FFAR4: variants seen among roughly 807,000 people sequenced by gnomAD.
FFAR4 encodes G-protein coupled receptor 120.
A neutral mutation model predicts 27.0 loss-of-function variants in FFAR4; 19 were observed. That is an observed-to-expected ratio of 0.70 (90% confidence interval 0.49 to 1.03). The LOEUF is 1.03. Among genes scored for constraint, FFAR4 ranks in the 50% least tolerant of loss-of-function variants. The pLI is 0.00. For synonymous variants in FFAR4, 254 were observed against 215.6 expected (o/e 1.18, Z -1.56); for missense variants, 476 against 479.0 (o/e 0.99, Z 0.06).
intron 2 of FFAR4, among the ~76,000 whole-genome samples, chr10:93,578,682 A>G (rs2058180205): frequency 6.6e-6 from 1 of 152,196 alleles, no homozygotes; most frequent in Admixed American, 6.5e-5. Flanking sequence ...GCCTGCCTGT[A>G]GCAGGTGATG....
In FFAR4 at chr10:93,579,725, A is replaced by G. The variant is rs1031334715; in HGVS notation, c.696+3506A>G. Among the ~76,000 whole-genome samples the G allele has an allele frequency of 1.2e-4, 19 of 152,212 alleles. 1 individual carries two copies. Among genetic ancestry groups the G allele is most frequent in the Non-Finnish European group, 8.8e-5 (6 of 68,048 alleles). ...TAAATATTTGTTGAATGAATGAGGC[A>G]TGAGCCTTGGATCACATTGAAAGGG... is the stretch of plus-strand genomic sequence containing the variant. On this transcript the variant is annotated intron_variant, in intron 2 of 2. Coordinates refer to ENST00000371481, the MANE Select transcript of FFAR4 (RefSeq NM_001195755.2).
At chr10:93,576,357 A>C (rs2058164068) in intron 2 of FFAR4, 138 bp downstream of exon 2, 3 of 804,484 alleles carry the variant, frequency 3.7e-6, no homozygotes, top group Non-Finnish European at 5.9e-6. Flanking sequence ...GGTCTACAAC[A>C]CTGAGGAAGG....
intron 2 of FFAR4, among the ~76,000 whole-genome samples, chr10:93,586,737 G>A (rs2058229541): frequency 1.3e-5 from 2 of 152,158 alleles, no homozygotes; most frequent in Admixed American, 6.5e-5. Context: ...GCAATCCCAC[G>A]CCAGGAATAT....
chr10:93,573,611 C>A (rs2058144946), intron 1 of FFAR4, among the ~76,000 whole-genome samples: 1 of 152,174 alleles, frequency 6.6e-6, no homozygotes. Flanking sequence ...GTCAACAATA[C>A]CATACAAAAC....
chr10:93,587,069 C>T, intron 2 of FFAR4, 151 bp from the exon 3 acceptor site: 1 of 646,098 alleles, frequency 1.5e-6, no homozygotes, highest in East Asian at 2.7e-5. Context: ...CCCATTTCTC[C>T]AGCACATCCT....
At chr10:93,571,704 A>C (rs2058132486) in intron 1 of FFAR4, among the ~76,000 whole-genome samples, 1 of 152,244 alleles carries the variant, frequency 6.6e-6, no homozygotes, top group Non-Finnish European at 1.5e-5. Context: ...CTTTTGAAAT[A>C]TAAGAAAGGA....
Position 93,576,239 on chromosome 10 carries a change from T to C in FFAR4, c.696+20T>C, listed in dbSNP as rs201470530. On this transcript the variant is annotated intron_variant, in intron 2 of 2. Transcript: ENST00000371481. Reference sequence around the variant, plus strand: ...TTACAGGTATGTTTTCTGCAAGTGCTGCCACTGAACTTCACCCAGGCTTGG... The same window carrying C: ...TTACAGGTATGTTTTCTGCAAGTGCCGCCACTGAACTTCACCCAGGCTTGG... The C allele has an allele frequency of 1.9e-4, 301 of 1,613,480 alleles. 1 individual carries two copies. The highest frequency in any genetic ancestry group is 2.0e-4 in the Non-Finnish European group (231 of 1,179,548).
In FFAR4 at chr10:93,587,283, C is replaced by T. The variant is rs775130919; in HGVS notation, c.760C>T (p.Arg254Cys). The T allele has an allele frequency of 1.9e-5, 31 of 1,614,004 alleles. No homozygotes were observed. Among genetic ancestry groups the T allele is most frequent in the East Asian group, 8.9e-5 (4 of 44,884 alleles). ...GGCCTACTCGGAGAGCCACCAGATCCGCGTGTCCCAGCAGGACTTCCGGCT... is the reference window on the plus strand; with the variant it reads ...GGCCTACTCGGAGAGCCACCAGATCTGCGTGTCCCAGCAGGACTTCCGGCT... ...SLAYSESHQI[R>C]VSQQDFRLFR... is the part of the protein sequence containing the mutation. The change falls in exon 3 of 3, where the codon CGC becomes TGC. Residue 254 changes from arginine to cysteine, a missense_variant. Physicochemically the swap from Arg to Cys is radical, Grantham distance 180. Coordinates refer to ENST00000371481, the MANE Select transcript of FFAR4 (RefSeq NM_001195755.2).
chr10:93,583,893 T>C (rs2058213215), intron 2 of FFAR4, among the ~76,000 whole-genome samples: 1 of 152,232 alleles, frequency 6.6e-6, no homozygotes, highest in Non-Finnish European at 1.5e-5. Flanking sequence ...AAAAAGTATT[T>C]TTGCGACACT....
At chr10:93,574,732 C>CAA (rs570636133) in intron 1 of FFAR4, among the ~76,000 whole-genome samples, 7 of 143,390 alleles carry the variant, frequency 4.9e-5, no homozygotes, top group East Asian at 4.0e-4. Flanking sequence ...ACTAAAAATA[C>CAA]AAAAAAAAAA....
Position 93,567,055 on chromosome 10 carries a change from A to G in FFAR4, c.335A>G (p.His112Arg). Residue 112 changes from histidine to arginine, a missense_variant, in exon 1 of 3, where the codon CAC (histidine) becomes CGC (arginine). By Grantham distance (29) the His-to-Arg change is conservative. Transcript: ENST00000371481. ...EAWLLGPVAC[H>R]LLFYVMTLSG... is the part of the protein sequence containing the mutation. ...TGGCTGCTGGGCCCCGTTGCCTGCC[A>G]CCTGCTCTTCTACGTGATGACCCTG... 6.2e-7 allele frequency: 1 copy of G among 1,611,388 alleles called. No homozygotes were observed. Among genetic ancestry groups the G allele is most frequent in the South Asian group, 1.1e-5 (1 of 91,050 alleles).
At chr10:93,581,673 A>G (rs1448438938) in intron 2 of FFAR4, among the ~76,000 whole-genome samples, 1 of 152,174 alleles carries the variant, frequency 6.6e-6, no homozygotes, top group African/African-American at 2.4e-5. Context: ...GTTGTCCTAG[A>G]TGAGCAGCTG....
At chr10:93,571,969 G>A (rs2058134258) in intron 1 of FFAR4, among the ~76,000 whole-genome samples, 1 of 152,238 alleles carries the variant, frequency 6.6e-6, no homozygotes, top group South Asian at 2.1e-4. Context: ...TTGCAAATAA[G>A]TCAGGCAGTG....
chr10:93,585,172 C>T (rs761486731), intron 2 of FFAR4, among the ~76,000 whole-genome samples: 27 of 152,150 alleles, frequency 1.8e-4, no homozygotes, highest in Non-Finnish European at 3.7e-4. Context: ...TCCAGAATCC[C>T]CTTCTAAGCC....
chr10:93,569,287 A>G (rs1342008644), intron 1 of FFAR4, among the ~76,000 whole-genome samples: 1 of 152,110 alleles, frequency 6.6e-6, no homozygotes, highest in Non-Finnish European at 1.5e-5. Context: ...CCCTTTTTTC[A>G]GTGATTTCAA....
At chr10:93,583,772 A>T (rs921664507) in intron 2 of FFAR4, among the ~76,000 whole-genome samples, 1 of 152,242 alleles carries the variant, frequency 6.6e-6, no homozygotes, top group Non-Finnish European at 1.5e-5. Context: ...ATCACAGTAC[A>T]TATGTCACAG....
At chr10:93,568,893 G>A (rs879808384) in intron 1 of FFAR4, among the ~76,000 whole-genome samples, 5 of 152,166 alleles carry the variant, frequency 3.3e-5, no homozygotes, top group Admixed American at 6.5e-5. Flanking sequence ...TAACATGCAA[G>A]CTTGTGGCCA....
At chr10:93,585,186 A>G (rs1364923915) in intron 2 of FFAR4, among the ~76,000 whole-genome samples, 1 of 152,128 alleles carries the variant, frequency 6.6e-6, no homozygotes, top group Middle Eastern at 3.2e-3. Flanking sequence ...CTAAGCCCAC[A>G]TAACCAGGGC....
chr10:93,581,362 G>A (rs1269312689), intron 2 of FFAR4, among the ~76,000 whole-genome samples: 2 of 152,196 alleles, frequency 1.3e-5, no homozygotes, highest in African/African-American at 4.8e-5. Flanking sequence ...GGAAGGGTAG[G>A]TGGAATCTCT....
Sources: gnomAD v4.1 joint callset for allele counts (sites outside exome capture counted in the v4.1 genomes callset) on GRCh38, gnomAD v4.1.1 for gene constraint, MANE v1.5 for transcripts, NCBI Gene and HGNC (gene_info 2026-07-23, HGNC 2026-07-21) for gene names.